HDX: variants seen among roughly 807,000 people sequenced by gnomAD.
The protein encoded by HDX is highly divergent homeobox.
A neutral mutation model predicts 45.2 loss-of-function variants in HDX; 19 were observed. The observed-to-expected ratio is 0.42, with a 90% confidence interval of 0.29 to 0.62. The LOEUF (loss-of-function observed/expected upper bound fraction) is 0.62, where lower values mean the gene tolerates loss of function less well. Ranked by LOEUF, HDX falls within the 20% of genes least tolerant of loss-of-function variation. The probability of loss-of-function intolerance (pLI) is 0.20; values close to 1 mark genes in which losing one functional copy is unlikely to be tolerated. For synonymous variants in HDX, 188 were observed against 172.8 expected, an observed-to-expected ratio of 1.09 and a Z score of -0.69; for missense variants, 532 against 493.9, an observed-to-expected ratio of 1.08 and a Z score of -0.73.
At chrX:84,396,423 C>T (rs1216113570) in intron 5 of HDX, among the ~76,000 whole-genome samples, 1 of 112,093 alleles carries the variant, frequency 8.9e-6, no homozygotes, top group Non-Finnish European at 1.9e-5. Flanking sequence ...CCAGTGGTGG[C>T]ATTGGTAGTC....
At chrX:84,446,084 T>G (rs2039866649) in intron 4 of HDX, among the ~76,000 whole-genome samples, 1 of 111,496 alleles carries the variant, frequency 9.0e-6, no homozygotes, top group South Asian at 3.7e-4. Context: ...CTTGAGATAT[T>G]CCCTGTTAAA....
intron 5 of HDX, among the ~76,000 whole-genome samples, chrX:84,423,114 A>G (rs1172730281): frequency 1.8e-5 from 2 of 111,207 alleles, no homozygotes; most frequent in Non-Finnish European, 1.9e-5. Flanking sequence ...ACTATAAGCA[A>G]CTATATGACA....
chrX:84,448,762 G>A (rs1038118535), intron 4 of HDX, among the ~76,000 whole-genome samples: 3 of 110,357 alleles, frequency 2.7e-5, no homozygotes, highest in African/African-American at 9.9e-5. Flanking sequence ...TACCTCTAAA[G>A]GATCACAATA....
intron 5 of HDX, among the ~76,000 whole-genome samples, chrX:84,427,359 A>T (rs1012492168): frequency 9.0e-6 from 1 of 111,110 alleles, no homozygotes; most frequent in Admixed American, 9.6e-5. Flanking sequence ...GTACAATTAG[A>T]TGTTTTGATA....
intron 4 of HDX, among the ~76,000 whole-genome samples, chrX:84,449,665 A>AGTCT (rs1651976287): frequency 1.8e-5 from 2 of 112,269 alleles, no homozygotes; most frequent in African/African-American, 3.2e-5. Context: ...TGTTTAAGGG[A>AGTCT]GTCTGACATG....
At chrX:84,345,166 A>G (rs1438430017) in intron 6 of HDX, among the ~76,000 whole-genome samples, 1 of 111,517 alleles carries the variant, frequency 9.0e-6, no homozygotes, top group Non-Finnish European at 1.9e-5. Flanking sequence ...GGAAGTTTCA[A>G]AGATAAGTCT....
At chrX:84,496,855 C>T (rs1490531015) in intron 1 of HDX, among the ~76,000 whole-genome samples, 1 of 111,574 alleles carries the variant, frequency 9.0e-6, no homozygotes, top group Non-Finnish European at 1.9e-5. Flanking sequence ...TTTACAATGC[C>T]TGGATCTCTT....
intron 10 of HDX, among the ~76,000 whole-genome samples, chrX:84,323,954 C>T (rs970699339): frequency 8.9e-6 from 1 of 112,408 alleles, no homozygotes; most frequent in African/African-American, 3.2e-5. Context: ...TAGTATTAAT[C>T]ATTCTTATCC....
At chrX:84,412,246 T>C (rs1602407368) in intron 5 of HDX, among the ~76,000 whole-genome samples, 1 of 111,722 alleles carries the variant, frequency 9.0e-6, no homozygotes, top group Non-Finnish European at 1.9e-5. Flanking sequence ...GTAGTTGCTT[T>C]ACAGTGTCAA....
At chrX:84,389,922 A>G (rs774508396) in intron 5 of HDX, among the ~76,000 whole-genome samples, 13 of 111,176 alleles carry the variant, frequency 1.2e-4, no homozygotes, top group Admixed American at 1.9e-4. Context: ...GGTCAATGGC[A>G]AGAGTGAGCT....
At chrX:84,489,435 G>A (rs2040853708) in intron 1 of HDX, among the ~76,000 whole-genome samples, 2 of 111,711 alleles carry the variant, frequency 1.8e-5, no homozygotes, top group Non-Finnish European at 3.8e-5. Flanking sequence ...CAGAGCAAGC[G>A]GGGTTTTGGT....
intron 4 of HDX, among the ~76,000 whole-genome samples, chrX:84,442,750 A>G (rs2039789370): frequency 9.0e-6 from 1 of 111,547 alleles, no homozygotes; most frequent in Non-Finnish European, 1.9e-5. Flanking sequence ...GTTTTGGATT[A>G]TCTGTTCACA....
chrX:84,407,364 T>C (rs2038854141), intron 5 of HDX, among the ~76,000 whole-genome samples: 2 of 111,446 alleles, frequency 1.8e-5, no homozygotes, highest in South Asian at 3.8e-4. Context: ...TCTAACTCCA[T>C]TCATGTTGGG....
At chrX:84,426,910 C>A (rs1388542068) in intron 5 of HDX, among the ~76,000 whole-genome samples, 5 of 109,959 alleles carry the variant, frequency 4.5e-5, no homozygotes, top group Non-Finnish European at 9.6e-5. Flanking sequence ...CATTATACAC[C>A]TTAAATATAT....
Position 84,386,952 on chromosome X carries a change from A to G in HDX, c.1306-25340T>C, listed in dbSNP as rs192702882. On this transcript the variant is annotated intron_variant, in intron 5 of 10. Transcript: ENST00000373177. ...TGCAAAGTTAGGTTATTAATTTGAG[A>G]TCTAACTTCTTGAAGGGATTTAGGG... Among the ~76,000 whole-genome samples, 8 of 109,385 alleles carry G rather than the reference A, an allele frequency of 7.3e-5. No homozygotes were observed. The East Asian group carries it at 2.3e-3, about 32-fold the overall frequency. The allele number at this position is 109,385 out of a possible 115,157, so 95.0% of individuals were successfully genotyped here.
intron 5 of HDX, among the ~76,000 whole-genome samples, chrX:84,411,893 C>T (rs995415779): frequency 5.4e-5 from 6 of 111,516 alleles, no homozygotes; most frequent in Non-Finnish European, 7.5e-5. Flanking sequence ...CTTTTTATTA[C>T]ATTGACCCTT....
chrX:84,353,512 G>A (rs2037407007), intron 6 of HDX, among the ~76,000 whole-genome samples: 2 of 111,516 alleles, frequency 1.8e-5, no homozygotes, highest in South Asian at 7.5e-4. Flanking sequence ...CAGCACCTTG[G>A]TCTTTGATTC....
intron 5 of HDX, among the ~76,000 whole-genome samples, chrX:84,393,551 G>A (rs1296522179): frequency 9.1e-6 from 1 of 110,375 alleles, no homozygotes; most frequent in Non-Finnish European, 1.9e-5. Context: ...ATGAGTTAAA[G>A]AGAATTCATT....
At position 84,361,468 on chromosome X, in the gene HDX, G is replaced by A; in HGVS notation, c.1450C>T (p.Arg484Trp). 1 of 1,204,334 alleles carries A rather than the reference G, an allele frequency of 8.3e-7. No homozygotes were observed. Among genetic ancestry groups the A allele is most frequent in the Non-Finnish European group, 1.1e-6 (1 of 890,647 alleles). ...TELNVDCEIV[R>W]TWIGNRRRKY... ...GAAAATTATAGAAAATGTCTTACCC[G>A]AACTATTTCACAGTCAACATTTAAT... The change falls in exon 6 of 11, where the codon CGG becomes TGG. Residue 484 changes from arginine (R) to tryptophan (W), a missense_variant and splice_region_variant. Physicochemically the swap from Arg to Trp is moderately radical, Grantham distance 101 (BLOSUM62 -3). Coordinates refer to ENST00000373177, the MANE Select transcript of HDX (RefSeq NM_001177479.2).
Sources: gnomAD v4.1 joint callset for allele counts (sites outside exome capture counted in the v4.1 genomes callset) on GRCh38, gnomAD v4.1.1 for gene constraint, MANE v1.5 for transcripts, NCBI Gene and HGNC (gene_info 2026-07-23, HGNC 2026-07-21) for gene names.